JPH2: variants seen among roughly 807,000 people sequenced by gnomAD.
The protein encoded by JPH2 is junctophilin-2.
A neutral mutation model predicts 55.9 loss-of-function variants in JPH2; 38 were observed. The ratio of observed to expected loss-of-function variants is 0.68; its 90% CI spans 0.52 to 0.89. The LOEUF is 0.89. Among genes scored for constraint, JPH2 ranks in the 40% least tolerant of loss-of-function variants. The pLI is 0.00. For missense variants in JPH2, 964 were observed against 1,037.6 expected (o/e 0.93, Z 0.97); for synonymous variants, 480 against 472.4 (o/e 1.02, Z -0.21).
At chr20:44,186,031 C>T (rs527760071) in intron 1 of JPH2, among the ~76,000 whole-genome samples, 145 of 152,200 alleles carry the variant, frequency 9.5e-4, no homozygotes, top group African/African-American at 2.9e-3. Context: ...TGGGGCATAC[C>T]GAACATGCTA....
chr20:44,149,077 A>G (rs1213008328), intron 2 of JPH2, among the ~76,000 whole-genome samples: 1 of 151,206 alleles, frequency 6.6e-6, no homozygotes, highest in Non-Finnish European at 1.5e-5. Flanking sequence ...AAAAAAAAAA[A>G]CATTCTCCCT....
intron 1 of JPH2, among the ~76,000 whole-genome samples, chr20:44,180,089 A>G (rs2072767424): frequency 6.6e-6 from 1 of 152,216 alleles, no homozygotes; most frequent in Non-Finnish European, 1.5e-5. Context: ...ATGGTGGCAC[A>G]TGCCTGTAGT....
intron 2 of JPH2, among the ~76,000 whole-genome samples, chr20:44,157,675 T>C (rs188182851): frequency 1.3e-5 from 2 of 152,206 alleles, no homozygotes; most frequent in East Asian, 1.9e-4. Context: ...GCCAAGGACA[T>C]ACAACTAAGA....
chr20:44,135,803 A>G (rs2072408159), intron 2 of JPH2, among the ~76,000 whole-genome samples: 1 of 152,158 alleles, frequency 6.6e-6, no homozygotes, highest in Non-Finnish European at 1.5e-5. Flanking sequence ...ACACAGCAAC[A>G]AGAAGGGGAA....
intron 2 of JPH2, among the ~76,000 whole-genome samples, chr20:44,152,646 C>A (rs553503574): frequency 1.3e-5 from 2 of 152,310 alleles, no homozygotes; most frequent in South Asian, 2.1e-4. Context: ...ATTACCAAGA[C>A]CCTCCCTGAG....
rs929468063 is a variant in JPH2, at chr20:44,186,978, A to G, written c.-273T>C. The G allele has an allele frequency of 7.2e-6, 4 of 555,392 alleles. No individual in the cohort carries two copies. In the African/African-American group the frequency reaches 7.5e-5, roughly 10 times the overall value. The allele number at this position is 555,392 out of a possible 1,614,324, so 34.4% of individuals were successfully genotyped here. ...AAAGAAAGCAGGAAGGAAAGGTTCAAAGTCCCCACAAAGCGTCCCAAGTCT... is the reference window on the plus strand; with the variant it reads ...AAAGAAAGCAGGAAGGAAAGGTTCAGAGTCCCCACAAAGCGTCCCAAGTCT... On this transcript the variant is annotated 5_prime_UTR_variant, in exon 1 of 6. Transcript: ENST00000372980.
chr20:44,145,641 A>G (rs1443027742), intron 2 of JPH2, among the ~76,000 whole-genome samples: 2 of 151,096 alleles, frequency 1.3e-5, no homozygotes, highest in African/African-American at 2.4e-5. Context: ...AACACTCTGG[A>G]GCTAGGCCCT....
chr20:44,115,607 C>G, intron 4 of JPH2, 58 bp downstream of exon 4: 1 of 1,609,326 alleles, frequency 6.2e-7, no homozygotes, highest in Non-Finnish European at 8.5e-7. Flanking sequence ...AATCCTCCCT[C>G]AAGCCCTGCT....
Position 44,112,957 on chromosome 20 carries a change from A to G in JPH2, c.*561T>C, listed in dbSNP as rs2072157392. 6.6e-6 allele frequency: 1 copy of G among 152,448 alleles called. No individual in the cohort carries two copies. The highest frequency in any genetic ancestry group is 2.4e-5 in the African/African-American group (1 of 41,458). The allele number at this position is 152,448 out of a possible 1,614,324, so 9.4% of individuals were successfully genotyped here. A position where few individuals can be genotyped will look rare whatever the true frequency, so the allele number is the denominator to read the frequency against. ...CATTTCCTCTACTGTCATCCAGAAC[A>G]TCTACAGGCAAGGGAGGGAGTGCAG... On this transcript the variant is annotated 3_prime_UTR_variant, in exon 6 of 6. Transcript: ENST00000372980.
At chr20:44,157,476 C>T (rs955570056) in intron 2 of JPH2, among the ~76,000 whole-genome samples, 1 of 152,208 alleles carries the variant, frequency 6.6e-6, no homozygotes, top group African/African-American at 2.4e-5. Context: ...CCCTTCCCCA[C>T]AAGTGTTGAT....
chr20:44,175,202 C>G (rs1349451190), intron 1 of JPH2, among the ~76,000 whole-genome samples: 1 of 152,136 alleles, frequency 6.6e-6, no homozygotes, highest in Non-Finnish European at 1.5e-5. Flanking sequence ...TAGCTGTTCA[C>G]CAGTCTGCCA....
Position 44,115,863 on chromosome 20 carries a change from C to G in JPH2, c.1812G>C (p.Leu604=). 1 of 1,587,526 alleles carries G rather than the reference C, an allele frequency of 6.3e-7. No individual in the cohort carries two copies. The highest frequency in any genetic ancestry group is 8.5e-7 in the Non-Finnish European group (1 of 1,172,470). Residue 604 remains leucine, a synonymous_variant, in exon 4 of 6, where the codon CTG becomes CTC. Coordinates refer to ENST00000372980, the MANE Select transcript of JPH2 (RefSeq NM_020433.5). ...SAPSSPATAP[L]QAPTLRGPEP... ...CGGGGCCTCGGAGCGTGGGGGCCTGCAGCGGGGCGGTGGCCGGGGACGAGG... is the reference window on the plus strand; with the variant it reads ...CGGGGCCTCGGAGCGTGGGGGCCTGGAGCGGGGCGGTGGCCGGGGACGAGG...
intron 2 of JPH2, among the ~76,000 whole-genome samples, chr20:44,137,899 G>C (rs1424434230): frequency 6.6e-6 from 1 of 152,134 alleles, no homozygotes; most frequent in Non-Finnish European, 1.5e-5. Flanking sequence ...GTCTCTGAAG[G>C]ATGGGATGCT....
intron 2 of JPH2, among the ~76,000 whole-genome samples, chr20:44,132,385 C>T (rs2072326724): frequency 7.3e-6 from 1 of 137,396 alleles, no homozygotes; most frequent in African/African-American, 2.7e-5. Flanking sequence ...CACACACACA[C>T]ACACACACAC....
intron 1 of JPH2, among the ~76,000 whole-genome samples, chr20:44,165,862 G>A (rs1336563031): frequency 2.0e-5 from 3 of 152,008 alleles, no homozygotes; most frequent in South Asian, 2.1e-4. Flanking sequence ...GAAGCCACCC[G>A]TGGCCACCCT....
At chr20:44,149,973 A>G (rs370784754) in intron 2 of JPH2, among the ~76,000 whole-genome samples, 35,568 of 146,552 alleles carry the variant, frequency 0.24, 4,955 homozygotes, top group East Asian at 0.47. Flanking sequence ...GAAAAAAAAA[A>G]AAAAAAAAAA....
At chr20:44,146,451 G>C (rs866762790) in intron 2 of JPH2, among the ~76,000 whole-genome samples, 1 of 152,082 alleles carries the variant, frequency 6.6e-6, no homozygotes, top group Non-Finnish European at 1.5e-5. Flanking sequence ...TCGAGAATCC[G>C]GCTCTGACAA....
At chr20:44,169,431 G>T (rs2072681348) in intron 1 of JPH2, among the ~76,000 whole-genome samples, 2 of 152,098 alleles carry the variant, frequency 1.3e-5, no homozygotes, top group African/African-American at 4.8e-5. Context: ...GCCTGCCTTG[G>T]CCTCCCAAAG....
chr20:44,161,750 C>T (rs1404330822), intron 1 of JPH2, among the ~76,000 whole-genome samples: 1 of 152,110 alleles, frequency 6.6e-6, no homozygotes, highest in Non-Finnish European at 1.5e-5. Flanking sequence ...TCATCCTTCA[C>T]CCCCATCCTG....
Sources: allele counts gnomAD v4.1 joint callset (sites outside exome capture counted in the v4.1 genomes callset), GRCh38; gene constraint gnomAD v4.1.1; transcripts MANE v1.5; gene names NCBI Gene and HGNC (gene_info 2026-07-23, HGNC 2026-07-21).